MYPN: variants seen among roughly 807,000 people sequenced by gnomAD.
MYPN encodes the protein myopalladin.
MYPN carries 63 observed loss-of-function variants against 129.4 expected under a neutral mutation model. The ratio of observed to expected loss-of-function variants is 0.49; its 90% confidence interval spans 0.40 to 0.60. The LOEUF is 0.60. MYPN is among the 20% of genes least tolerant of loss of function. The pLI is 0.00. For synonymous variants in MYPN, 629 were observed against 600.9 expected, an observed-to-expected ratio of 1.05 and a Z score of -0.68; for missense variants, 1,596 against 1,635.4, an observed-to-expected ratio of 0.98 and a Z score of 0.42.
chr10:68,104,813 T>C (rs924030000), upstream of MYPN, among the ~76,000 whole-genome samples: 1 of 152,166 alleles, frequency 6.6e-6, no homozygotes, highest in Non-Finnish European at 1.5e-5. Flanking sequence ...AGACAGAGTC[T>C]CACTCTGTCG....
In MYPN at chr10:68,199,572, G is replaced by T. The variant is rs905889733; in HGVS notation, c.3490G>T (p.Val1164Leu). The change falls in exon 17 of 20, where the codon GTA (valine) becomes TTA (leucine). Residue 1164 changes from valine to leucine, a missense_variant. Transcript: ENST00000358913. ...QNSFSLELSVVAKEVKKAPVI... is the reference protein window; with the variant it reads ...QNSFSLELSVLAKEVKKAPVI... The stretch of plus-strand genomic sequence containing the variant: ...TTCTTTTAGTCTGGAGCTCTCTGTA[G>T]TAGGTAAGGTTTGCTGCTGGGACCC... 2.5e-6 allele frequency: 4 copies of T among 1,592,462 alleles called. No homozygotes were observed. In the African/African-American group the frequency reaches 5.6e-5, roughly 22 times the overall value.
At chr10:68,145,725 C>A (rs900800326) in intron 4 of MYPN, among the ~76,000 whole-genome samples, 199 bp downstream of exon 4, 1 of 152,214 alleles carries the variant, frequency 6.6e-6, no homozygotes, top group African/African-American at 2.4e-5. Flanking sequence ...TCTTGCCTAG[C>A]AGATAAATTT....
chr10:68,144,335 A>G (rs1377223701), intron 3 of MYPN, among the ~76,000 whole-genome samples: 2 of 152,200 alleles, frequency 1.3e-5, no homozygotes, highest in African/African-American at 2.4e-5. Context: ...GCATTTAAAC[A>G]TATTATTATG....
chr10:68,119,671 C>T (rs1323182476), intron 1 of MYPN, among the ~76,000 whole-genome samples: 1 of 152,218 alleles, frequency 6.6e-6, no homozygotes, highest in Non-Finnish European at 1.5e-5. Context: ...TTTGGCCTCC[C>T]AAAGTGCTGG....
chr10:68,211,868 T>C lies in MYPN; in HGVS notation c.*1413T>C, dbSNP rs2043922814. 2.2e-6 allele frequency: 1 copy of C among 452,854 alleles called. No individual in the cohort carries two copies. Among genetic ancestry groups the C allele is most frequent in the Non-Finnish European group, 4.4e-6 (1 of 225,942 alleles). The allele number at this position is 452,854 out of a possible 1,614,324, so 28.1% of individuals were successfully genotyped here. A position where few individuals can be genotyped will look rare whatever the true frequency, so the allele number is the denominator to read the frequency against. On this transcript the variant is annotated 3_prime_UTR_variant, in exon 20 of 20. Coordinates refer to ENST00000358913, the MANE Select transcript of MYPN (RefSeq NM_032578.4). ...GCAGGTGTCTGTTTTCAATTCCCTG[T>C]GCTGGAATCCCTGGTGCTGTCTGTG...
intron 2 of MYPN, among the ~76,000 whole-genome samples, chr10:68,139,928 T>A (rs985276773): frequency 1.3e-5 from 2 of 152,080 alleles, no homozygotes; most frequent in African/African-American, 4.8e-5. Flanking sequence ...CAAACCACAA[T>A]AAAATAAACA....
chr10:68,097,930 T>A (rs2133941685), intron 1 of MYPN, among the ~76,000 whole-genome samples: 1 of 152,342 alleles, frequency 6.6e-6, no homozygotes, highest in African/African-American at 2.4e-5. Context: ...GCATCATTAT[T>A]CTGAACTTAA....
At chr10:68,133,049 G>A (rs903288841) in intron 2 of MYPN, among the ~76,000 whole-genome samples, 4 of 122,688 alleles carry the variant, frequency 3.3e-5, no homozygotes, top group African/African-American at 1.4e-4. Flanking sequence ...TTTTTGAGAT[G>A]GAGTCTTGCT....
chr10:68,111,530 C>CT (rs2042081772), intron 1 of MYPN, among the ~76,000 whole-genome samples: 1 of 152,100 alleles, frequency 6.6e-6, no homozygotes, highest in African/African-American at 2.4e-5. Flanking sequence ...TAAAATATCT[C>CT]TGTGGTGCTT....
In MYPN at chr10:68,196,483, C is replaced by CTTTTTTTTTT. The variant is rs71009021; in HGVS notation, c.3159-861_3159-852dup. ...ACCGTTGCAACTATACCTTCTTCTT[C>CTTTTTTTTTT]TTTTTTTTTTTTTTTTTGAGATGGG... On this transcript the variant is annotated intron_variant, in intron 15 of 19. Coordinates refer to ENST00000358913, the MANE Select transcript of MYPN (RefSeq NM_032578.4). Among the ~76,000 whole-genome samples the CTTTTTTTTTT allele has an allele frequency of 3.8e-3, 429 of 112,468 alleles. 11 individuals are homozygous for CTTTTTTTTTT. Among genetic ancestry groups the CTTTTTTTTTT allele is most frequent in the Non-Finnish European group, 6.0e-3 (329 of 55,182 alleles). The allele number at this position is 112,468 out of a possible 152,430, so 73.8% of individuals were successfully genotyped here. A position where few individuals can be genotyped will look rare whatever the true frequency, so the allele number is the denominator to read the frequency against.
At chr10:68,207,022 C>G in intron 19 of MYPN, 119 bp downstream of exon 19, 1 of 1,270,528 alleles carries the variant, frequency 7.9e-7, no homozygotes, top group Non-Finnish European at 1.1e-6. Context: ...CTTTGGGAGG[C>G]CGAGGCAGGC....
chr10:68,153,339 T>G (rs2042810620), intron 6 of MYPN, among the ~76,000 whole-genome samples: 1 of 152,232 alleles, frequency 6.6e-6, no homozygotes, highest in East Asian at 1.9e-4. Flanking sequence ...CAGATTGAGC[T>G]GCCTTTGTGT....
At chr10:68,197,582 AG>A in intron 16 of MYPN, 104 bp downstream of exon 16, 2 of 1,461,948 alleles carry the variant, frequency 1.4e-6, no homozygotes, top group Non-Finnish European at 1.9e-6. Context: ...TTTTCAGGAA[AG>A]ATGAGATGGG....
intron 1 of MYPN, among the ~76,000 whole-genome samples, chr10:68,088,982 G>A (rs752024861): frequency 2.0e-5 from 3 of 152,076 alleles, no homozygotes; most frequent in Non-Finnish European, 2.9e-5. Context: ...GCCTATTCTC[G>A]ATATTTCACA....
chr10:68,189,289 T>C (rs541106124), intron 13 of MYPN, among the ~76,000 whole-genome samples, 163 bp downstream of exon 13: 72 of 152,350 alleles, frequency 4.7e-4, no homozygotes, highest in African/African-American at 1.6e-3. Context: ...TTTTGATACA[T>C]GTATACAATG....
chr10:68,088,718 T>C (rs1020305792), intron 1 of MYPN, among the ~76,000 whole-genome samples: 6 of 152,206 alleles, frequency 3.9e-5, no homozygotes, highest in Non-Finnish European at 5.9e-5. Flanking sequence ...TGCAAGTGGA[T>C]AGCAGAAATT....
rs768968410 is a variant in MYPN at position 68,121,689 on chromosome 10, A to G, written c.251A>G (p.Asn84Ser). Residue 84 changes from asparagine to serine, a missense_variant, in exon 2 of 20, where the codon AAT (asparagine) becomes AGT (serine). Coordinates refer to ENST00000358913, the MANE Select transcript of MYPN (RefSeq NM_032578.4). ...ESVNLARLAINYDPLEKADET... is the reference protein window; with the variant it reads ...ESVNLARLAISYDPLEKADET... Reference sequence around the variant, plus strand: ...GTCAATTTGGCAAGACTGGCCATCAATTACGACCCTTTGGAGAAGGCAGAT... The same window carrying G: ...GTCAATTTGGCAAGACTGGCCATCAGTTACGACCCTTTGGAGAAGGCAGAT... The G allele has an allele frequency of 2.4e-5, 38 of 1,614,112 alleles. No homozygotes were observed. Among genetic ancestry groups the G allele is most frequent in the African/African-American group, 1.3e-4 (10 of 74,938 alleles).
At chr10:68,091,381 T>A (rs992450115) in intron 1 of MYPN, among the ~76,000 whole-genome samples, 1 of 148,490 alleles carries the variant, frequency 6.7e-6, no homozygotes, top group African/African-American at 2.5e-5. Context: ...TACCATCAAC[T>A]AGACTACAGC....
intron 1 of MYPN, among the ~76,000 whole-genome samples, chr10:68,115,205 G>T (rs897382486): frequency 1.3e-5 from 2 of 149,332 alleles, no homozygotes; most frequent in Non-Finnish European, 3.0e-5. Flanking sequence ...GTTGCAGTGA[G>T]CGGAAATTGC....
Sources: allele counts gnomAD v4.1 joint callset (sites outside exome capture counted in the v4.1 genomes callset), GRCh38; gene constraint gnomAD v4.1.1; transcripts MANE v1.5; gene names NCBI Gene and HGNC (gene_info 2026-07-23, HGNC 2026-07-21).